The following PAPSS1 variants were observed in gnomAD, a reference collection of about 807,000 sequenced individuals.
PAPSS1 encodes bifunctional 3'-phosphoadenosine 5'-phosphosulfate synthase 1.
In PAPSS1, 50 loss-of-function variants were observed where a neutral mutation model predicts 72.0. That is an observed-to-expected ratio of 0.69 (90% CI 0.55 to 0.88). The LOEUF is 0.88. PAPSS1 is among the 40% of genes least tolerant of loss of function. The probability of loss-of-function intolerance (pLI) is 0.00; values close to 1 mark genes in which losing one functional copy is unlikely to be tolerated. For missense variants in PAPSS1, 657 were observed against 782.2 expected (o/e 0.84, Z 1.91); for synonymous variants, 261 against 263.6 (o/e 0.99, Z 0.09).
chr4:107,627,732 T>C (rs1726134099), intron 11 of PAPSS1, among the ~76,000 whole-genome samples: 1 of 152,164 alleles, frequency 6.6e-6, no homozygotes, highest in Admixed American at 6.5e-5. Flanking sequence ...TTATTCTTTT[T>C]TTCTTAAAAA....
At chr4:107,683,648 GA>G (rs376368320) in intron 4 of PAPSS1, among the ~76,000 whole-genome samples, 28 of 152,098 alleles carry the variant, frequency 1.8e-4, no homozygotes, top group African/African-American at 6.3e-4. Flanking sequence ...TAAATTGTGA[GA>G]AAAAACATAT....
intron 3 of PAPSS1, among the ~76,000 whole-genome samples, chr4:107,692,812 T>C (rs963063664): frequency 1.3e-5 from 2 of 151,910 alleles, no homozygotes; most frequent in East Asian, 1.9e-4. Flanking sequence ...GAATACTATG[T>C]AGCTAAAAAA....
chr4:107,667,154 G>A (rs574375943), intron 5 of PAPSS1, among the ~76,000 whole-genome samples: 28 of 152,264 alleles, frequency 1.8e-4, no homozygotes, highest in East Asian at 7.7e-4. Context: ...TCAAATGTGC[G>A]ACGTAAAGCC....
At position 107,666,486 on chromosome 4, in the gene PAPSS1, C is replaced by T. The variant is rs190580000; in HGVS notation, c.670-6414G>A. Among the ~76,000 whole-genome samples, 5 of 152,170 alleles carry T rather than the reference C, an allele frequency of 3.3e-5. No homozygotes were observed. The East Asian group carries it at 9.7e-4, about 29-fold the overall frequency. ...GAAATGCAGTCTTTATATGAATGAC[C>T]ACTTTATCTATCCTGATTATATTAC... On this transcript the variant is annotated intron_variant, in intron 5 of 11. Transcript: ENST00000265174.
intron 1 of PAPSS1, among the ~76,000 whole-genome samples, chr4:107,702,149 A>G (rs1177795833): frequency 6.6e-6 from 1 of 152,208 alleles, no homozygotes; most frequent in African/African-American, 2.4e-5. Context: ...CTTTGCACCC[A>G]CTAGGATAGC....
Position 107,687,056 on chromosome 4 carries a change from C to T in PAPSS1, c.533G>A (p.Arg178Gln), listed in dbSNP as rs756436444. The T allele has an allele frequency of 2.5e-6, 4 of 1,595,936 alleles. No homozygotes were observed. The highest frequency in any genetic ancestry group is 2.3e-5 in the South Asian group (2 of 87,022). ...RDVKGLYKKA[R>Q]AGEIKGFTGI... ...TTACTGACCTTTAATTTCTCCTGCC[C>T]GGGCTTTTTTGTAGAGTCCTTTGAC... is the stretch of plus-strand genomic sequence containing the variant. Residue 178 changes from arginine (R) to glutamine (Q), a missense_variant, in exon 4 of 12, where the codon CGG becomes CAG. By Grantham distance (43) the Arg-to-Gln change is conservative. This residue lies in a region of PAPSS1 where 119 missense variants were observed against 171.1 expected (regional missense o/e 0.70). Transcript: ENST00000265174.
At chr4:107,718,884 G>T (rs552007317) in intron 1 of PAPSS1, among the ~76,000 whole-genome samples, 1 of 152,270 alleles carries the variant, frequency 6.6e-6, no homozygotes, top group Admixed American at 6.5e-5. Context: ...TGTCTTCTTT[G>T]TTCATCAAAA....
intron 9 of PAPSS1, among the ~76,000 whole-genome samples, chr4:107,650,352 C>T (rs952170776): frequency 6.6e-6 from 1 of 152,174 alleles, no homozygotes; most frequent in African/African-American, 2.4e-5. Context: ...CTACTTTAAA[C>T]AAAGTTGCAA....
chr4:107,693,134 T>C (rs1276725861), intron 3 of PAPSS1, among the ~76,000 whole-genome samples: 1 of 152,056 alleles, frequency 6.6e-6, no homozygotes, highest in Non-Finnish European at 1.5e-5. Context: ...GCCCTGATCT[T>C]AAAATAAAAG....
chr4:107,645,200 A>C, intron 9 of PAPSS1, 130 bp from the exon 10 acceptor site: 1 of 536,112 alleles, frequency 1.9e-6, no homozygotes, highest in Non-Finnish European at 2.9e-6. Flanking sequence ...AAATCAGAAA[A>C]CTGGTAAAAA....
rs545068742 is a variant in PAPSS1 at position 107,659,573 on chromosome 4, CAG to C, written c.783+384_783+385del. On this transcript the variant is annotated intron_variant, in intron 6 of 11. Coordinates refer to ENST00000265174, the MANE Select transcript of PAPSS1 (RefSeq NM_005443.5). ...TAAAATTATTCTTAACAATATAAGA[CAG>C]AGAGAGTCAAGTTTTGGCAAGGGAT... Among the ~76,000 whole-genome samples, 25 of 152,158 alleles carry C rather than the reference CAG, an allele frequency of 1.6e-4. No homozygotes were observed. The East Asian group carries it at 4.6e-3, about 28-fold the overall frequency.
chr4:107,630,227 C>G (rs185354652), intron 11 of PAPSS1, among the ~76,000 whole-genome samples: 8 of 152,198 alleles, frequency 5.3e-5, no homozygotes, highest in Non-Finnish European at 1.2e-4. Context: ...ATAAAGTTTA[C>G]ATTTTTTATT....
At chr4:107,691,594 C>A (rs1344965473) in intron 3 of PAPSS1, among the ~76,000 whole-genome samples, 2 of 152,124 alleles carry the variant, frequency 1.3e-5, no homozygotes, top group Non-Finnish European at 2.9e-5. Flanking sequence ...AGACACGGTC[C>A]CAGCTGTCAA....
intron 2 of PAPSS1, among the ~76,000 whole-genome samples, chr4:107,697,509 CA>C (rs1368331360): frequency 1.3e-5 from 2 of 152,108 alleles, no homozygotes; most frequent in Non-Finnish European, 2.9e-5. Context: ...TTTTACACAA[CA>C]AAAACAACCT....
At chr4:107,672,153 G>A (rs900337517) in intron 5 of PAPSS1, among the ~76,000 whole-genome samples, 47 of 152,308 alleles carry the variant, frequency 3.1e-4, no homozygotes, top group African/African-American at 9.9e-4. Context: ...CGCAGAAGAC[G>A]GGTGATTTCT....
At chr4:107,683,706 T>C (rs1722692453) in intron 4 of PAPSS1, among the ~76,000 whole-genome samples, 1 of 152,122 alleles carries the variant, frequency 6.6e-6, no homozygotes, top group South Asian at 2.1e-4. Flanking sequence ...ATGAAAATAA[T>C]TGAGATTATC....
At chr4:107,621,908 G>A (rs1201797277) in intron 11 of PAPSS1, among the ~76,000 whole-genome samples, 2 of 151,984 alleles carry the variant, frequency 1.3e-5, no homozygotes, top group South Asian at 2.1e-4. Flanking sequence ...GATTATAGGC[G>A]TGAGCCACCG....
chr4:107,631,583 T>C (rs753255174), intron 11 of PAPSS1, 48 bp downstream of exon 11: 2 of 1,334,044 alleles, frequency 1.5e-6, no homozygotes, highest in Non-Finnish European at 1.1e-6. Flanking sequence ...TGGGAGCAGC[T>C]AGACCACGAA....
chr4:107,666,855 T>A (rs1227359947), intron 5 of PAPSS1, among the ~76,000 whole-genome samples: 2 of 152,194 alleles, frequency 1.3e-5, no homozygotes, highest in Non-Finnish European at 2.9e-5. Flanking sequence ...TAATAAAAAC[T>A]GGTATACAAT....
Sources: gnomAD v4.1 joint callset for allele counts (sites outside exome capture counted in the v4.1 genomes callset) on GRCh38, gnomAD v4.1.1 for gene constraint, gnomAD v4.1.1 regional missense constraint, MANE v1.5 for transcripts, NCBI Gene and HGNC (gene_info 2026-07-23, HGNC 2026-07-21) for gene names.